TGIF1: variants seen among roughly 807,000 people sequenced by gnomAD.
TGIF1 encodes the protein TGFB induced factor homeobox 1, also known as homeobox protein TGIF1.
TGIF1 carries 4 observed loss-of-function variants against 19.3 expected under a neutral mutation model. That is an observed-to-expected ratio of 0.21 (90% CI 0.10 to 0.47). The LOEUF is 0.47. Among genes scored for constraint, TGIF1 ranks in the 20% least tolerant of loss-of-function variants. The pLI is 0.98. For synonymous variants in TGIF1, 122 were observed against 129.3 expected (o/e 0.94, Z 0.38); for missense variants, 275 against 341.4 (o/e 0.81, Z 1.53).
At chr18:3,428,097 G>A (rs186163713) in intron 2 of TGIF1, among the ~76,000 whole-genome samples, 1 of 152,314 alleles carries the variant, frequency 6.6e-6, no homozygotes, top group East Asian at 1.9e-4. Flanking sequence ...TGGAACGGAT[G>A]CAGATAAAAC....
At chr18:3,450,924 G>A (rs903033242) in intron 1 of TGIF1, among the ~76,000 whole-genome samples, 1 of 152,094 alleles carries the variant, frequency 6.6e-6, no homozygotes, top group African/African-American at 2.4e-5. Flanking sequence ...CCGGGGCCGC[G>A]GGACCGCCGC....
intron 2 of TGIF1, among the ~76,000 whole-genome samples, chr18:3,442,007 A>G (rs1404887591): frequency 6.6e-6 from 1 of 152,214 alleles, no homozygotes; most frequent in African/African-American, 2.4e-5. Context: ...TGTTTCATCA[A>G]TTAAAAAGAA....
chr18:3,452,252 G>T, intron 1 of TGIF1: 1 of 1,609,398 alleles, frequency 6.2e-7, no homozygotes, highest in Non-Finnish European at 8.5e-7. Context: ...GCCCACAGCC[G>T]CGTGCCCTCT....
intron 2 of TGIF1, among the ~76,000 whole-genome samples, chr18:3,439,337 C>A (rs117307085): frequency 0.019 from 2,864 of 152,016 alleles, 42 homozygotes; most frequent in Middle Eastern, 0.037. Flanking sequence ...TCTGAAGTCA[C>A]CTCACTATTT....
chr18:3,447,834 C>G, upstream of TGIF1: 2 of 1,611,996 alleles, frequency 1.2e-6, no homozygotes, highest in Non-Finnish European at 8.5e-7. Flanking sequence ...CCCCCTAATT[C>G]GAAAGAGGCT....
chr18:3,447,222 T>C (rs1445615391), upstream of TGIF1, among the ~76,000 whole-genome samples: 1 of 151,972 alleles, frequency 6.6e-6, no homozygotes, highest in Non-Finnish European at 1.5e-5. Flanking sequence ...AAAACGTTTA[T>C]CAGTAGCCTC....
At position 3,451,975 on chromosome 18, in the gene TGIF1, C is replaced by A. The variant is rs758271720; in HGVS notation, c.16+1470C>A. 6.3e-7 allele frequency: 1 copy of A among 1,576,606 alleles called. No individual in the cohort carries two copies. The highest frequency in any genetic ancestry group is 8.6e-7 in the Non-Finnish European group (1 of 1,159,372). On this transcript the variant is annotated intron_variant, in intron 1 of 2. Transcript: ENST00000343820. This position sits in a 1 kb window ranked among gnomAD's most constrained non-coding sequence, Gnocchi z 5.4. ...GGAATAAGTGAGGGGCTCTGTGTTT[C>A]GAGGATGGTTCTAGCGCAGAGCCGG...
upstream of TGIF1, among the ~76,000 whole-genome samples, chr18:3,445,894 T>C (rs192542346): frequency 1.3e-5 from 2 of 150,986 alleles, no homozygotes; most frequent in African/African-American, 4.9e-5. Context: ...TAATCTGAGG[T>C]TAGTTTCTGC....
chr18:3,453,290 A>T (rs2143364362), intron 1 of TGIF1, among the ~76,000 whole-genome samples: 1 of 152,214 alleles, frequency 6.6e-6, no homozygotes, highest in East Asian at 1.9e-4. Flanking sequence ...GCTTTTTCCT[A>T]ATTGTGCATC....
intron 2 of TGIF1, among the ~76,000 whole-genome samples, chr18:3,430,349 C>G (rs1163392413): frequency 6.6e-6 from 1 of 152,042 alleles, no homozygotes; most frequent in African/African-American, 2.4e-5. Context: ...CAATGCTATC[C>G]TTCTTTCTAT....
At chr18:3,430,782 G>C (rs2082537117) in intron 2 of TGIF1, among the ~76,000 whole-genome samples, 1 of 151,878 alleles carries the variant, frequency 6.6e-6, no homozygotes. Context: ...AAAATGCTGG[G>C]ATTATAGGCA....
chr18:3,449,743 T>C, upstream of TGIF1: 2 of 985,456 alleles, frequency 2.0e-6, no homozygotes, highest in Non-Finnish European at 2.4e-6. Flanking sequence ...GCAGGGCCAG[T>C]AGAGTTCGGG....
intron 2 of TGIF1, among the ~76,000 whole-genome samples, chr18:3,431,151 A>T (rs559875949): frequency 1.7e-4 from 26 of 152,330 alleles, no homozygotes; most frequent in African/African-American, 5.8e-4. Context: ...GCACAGAAAT[A>T]AATAATAATA....
intron 2 of TGIF1, among the ~76,000 whole-genome samples, chr18:3,429,749 A>G (rs934313053): frequency 6.6e-6 from 1 of 152,248 alleles, no homozygotes; most frequent in Non-Finnish European, 1.5e-5. Flanking sequence ...TTTAATGTTA[A>G]CACCACAAAA....
intron 2 of TGIF1, among the ~76,000 whole-genome samples, chr18:3,429,200 G>A (rs1247186930): frequency 6.6e-6 from 1 of 152,204 alleles, no homozygotes; most frequent in Non-Finnish European, 1.5e-5. Flanking sequence ...GAGACTACAG[G>A]CACGTGCCAC....
upstream of TGIF1, chr18:3,447,771 C>G: frequency 6.2e-7 from 1 of 1,614,168 alleles, no homozygotes; most frequent in East Asian, 2.2e-5. Context: ...TGTGCATTGG[C>G]CCGATCAAGC....
rs766144230 is a variant in TGIF1, at chr18:3,457,679, C to T, written c.558C>T (p.Phe186=). The change falls in exon 3 of 3, where the codon TTC becomes TTT. Residue 186 remains phenylalanine (F), a synonymous_variant. Coordinates refer to ENST00000343820, the MANE Select transcript of TGIF1 (RefSeq NM_003244.4). This position sits in a 1 kb window ranked among gnomAD's most constrained non-coding sequence, Gnocchi z 4.9. ...TTVTALKDVP[F]SLCQSVGVGQ... ...TGACTGCATTGAAAGATGTCCCTTT[C>T]TCTCTCTGCCAGTCGGTCGGTGTGG... 1 of 1,614,096 alleles carries T rather than the reference C, an allele frequency of 6.2e-7. No individual in the cohort carries two copies. The highest frequency in any genetic ancestry group is 1.1e-5 in the South Asian group (1 of 91,094).
In TGIF1 at chr18:3,457,912, T is replaced by C. The variant is rs2049415949; in HGVS notation, c.791T>C (p.Met264Thr). 6.2e-7 allele frequency: 1 copy of C among 1,601,124 alleles called. No individual in the cohort carries two copies. The highest frequency in any genetic ancestry group is 1.3e-5 in the African/African-American group (1 of 74,948). ...VDVALKRAAE[M>T]ELQAKLTA ...GTTGCACTCAAACGGGCTGCAGAGA[T>C]GGAGCTTCAGGCAAAACTTACAGCT... The change falls in exon 3 of 3, where the codon ATG becomes ACG. Residue 264 changes from methionine to threonine, a missense_variant. Transcript: ENST00000343820. The surrounding 1 kb of genome is among the most constrained non-coding windows in gnomAD (Gnocchi z 4.9).
intron 1 of TGIF1, chr18:3,455,810 C>T (rs138637647): frequency 5.9e-4 from 103 of 175,468 alleles, no homozygotes; most frequent in African/African-American, 2.2e-3. Flanking sequence ...CTGGGTTCAG[C>T]GTAGTATGTA....
Sources: gnomAD v4.1 joint callset for allele counts (sites outside exome capture counted in the v4.1 genomes callset) on GRCh38, gnomAD v4.1.1 for gene constraint, Gnocchi (gnomAD v3.1) non-coding constraint, MANE v1.5 for transcripts, NCBI Gene and HGNC (gene_info 2026-07-23, HGNC 2026-07-21) for gene names.